Variants in UBE4A observed in about 807,000 individuals in gnomAD.
The protein encoded by UBE4A is ubiquitination factor E4A.
A neutral mutation model predicts 117.9 loss-of-function variants in UBE4A; 48 were observed. That is an observed-to-expected ratio of 0.41 (90% CI 0.32 to 0.52). UBE4A has a LOEUF of 0.52. UBE4A is among the 20% of genes least tolerant of loss of function. UBE4A has a pLI of 0.33. For synonymous variants in UBE4A, 407 were observed against 450.0 expected (o/e 0.90, Z 1.21); for missense variants, 1,067 against 1,296.3 (o/e 0.82, Z 2.72).
rs2134094175 is a variant in UBE4A, at chr11:118,375,141, C to G, written c.1362C>G (p.Ser454=). 1 of 1,614,172 alleles carries G rather than the reference C, an allele frequency of 6.2e-7. No homozygotes were observed. The highest frequency in any genetic ancestry group is 1.1e-5 in the South Asian group (1 of 91,082). The change falls in exon 9 of 20, where the codon TCC becomes TCG. Residue 454 remains serine, a synonymous_variant. Coordinates refer to ENST00000252108, the MANE Select transcript of UBE4A (RefSeq NM_001204077.2). The part of the protein sequence containing the change: ...KLCQPFCKPR[S]SRLLTFNPTY... ...GCCAGCCATTTTGCAAACCCAGATC[C>G]TCTCGGCTCCTCACCTTTAATCCCA... is the stretch of plus-strand genomic sequence containing the variant.
rs201069795 is a variant in UBE4A, at chr11:118,369,436, G to T, written c.309G>T (p.Leu103Phe). 3 of 1,613,956 alleles carry T rather than the reference G, an allele frequency of 1.9e-6. No individual in the cohort carries two copies. Among genetic ancestry groups the T allele is most frequent in the Non-Finnish European group, 2.5e-6 (3 of 1,179,846 alleles). Residue 103 changes from leucine to phenylalanine, a missense_variant, in exon 4 of 20, where the codon TTG becomes TTT. Leu to Phe is a conservative substitution (Grantham distance 22). Transcript: ENST00000252108. Reference sequence around the variant, plus strand: ...ACCATTTCCCAGGTGATCCCAGCTTGAAAAGCGGGAATGGCATCCCTAGCC... The same window carrying T: ...ACCATTTCCCAGGTGATCCCAGCTTTAAAAGCGGGAATGGCATCCCTAGCC... ...LITLDNSDPS[L>F]KSGNGIPSRC...
chr11:118,368,764 T>G lies in UBE4A; in HGVS notation c.255T>G (p.Asn85Lys). ...AAATATGTGAGCAACTCAACATCAA[T>G]CACATGATCCAAAGGATCTTCCTTA... ...QQEICEQLNI[N>K]HMIQRIFLIT... Residue 85 changes from asparagine (N) to lysine (K), a missense_variant, in exon 3 of 20, where the codon AAT becomes AAG. Around this residue, in one of 3 missense-constraint regions of UBE4A, gnomAD observed 1,001 missense variants for 1,184.0 expected, o/e 0.85. Transcript: ENST00000252108. 1.2e-6 allele frequency: 2 copies of G among 1,614,176 alleles called. No individual in the cohort carries two copies. Among genetic ancestry groups the G allele is most frequent in the Non-Finnish European group, 1.7e-6 (2 of 1,180,030 alleles).
rs1555129708 is a variant in UBE4A, at chr11:118,396,340, G to A, written c.3101G>A (p.Ser1034Asn). 1 of 1,613,432 alleles carries A rather than the reference G, an allele frequency of 6.2e-7. No individual in the cohort carries two copies. Among genetic ancestry groups the A allele is most frequent in the Non-Finnish European group, 8.5e-7 (1 of 1,179,756 alleles). The change falls in exon 20 of 20, where the codon AGT becomes AAT. Residue 1034 changes from serine to asparagine, a missense_variant. Ser to Asn is a conservative substitution (Grantham distance 46, BLOSUM62 1). Coordinates refer to ENST00000252108, the MANE Select transcript of UBE4A (RefSeq NM_001204077.2). Reference sequence around the variant, plus strand: ...GACCAAACAGATCCCTTTAACCGTAGTCCCCTCACCATGGACCAGATCCGG... The same window carrying A: ...GACCAAACAGATCCCTTTAACCGTAATCCCCTCACCATGGACCAGATCCGG... ...LSDQTDPFNR[S>N]PLTMDQIRPN...
chr11:118,360,765 AC>A (rs1343355365), intron 1 of UBE4A, among the ~76,000 whole-genome samples: 1 of 152,170 alleles, frequency 6.6e-6, no homozygotes, highest in East Asian at 1.9e-4. Flanking sequence ...GGAGGAAGTG[AC>A]AGAATTTTGT....
chr11:118,384,993 A>G, intron 15 of UBE4A, 48 bp downstream of exon 15: 4 of 1,473,926 alleles, frequency 2.7e-6, no homozygotes, highest in Non-Finnish European at 3.7e-6. Flanking sequence ...ATACCATCAA[A>G]TCATCAGCAG....
chr11:118,373,663 T>C lies in UBE4A; in HGVS notation c.1094T>C (p.Val365Ala), dbSNP rs1948627777. Residue 365 changes from valine to alanine, a missense_variant, in exon 8 of 20, where the codon GTA becomes GCA. By Grantham distance (64) the Val-to-Ala change is moderately conservative. Around this residue, in one of 3 missense-constraint regions of UBE4A, gnomAD observed 1,001 missense variants for 1,184.0 expected, o/e 0.85. Coordinates refer to ENST00000252108, the MANE Select transcript of UBE4A (RefSeq NM_001204077.2). ...PSRSSPQEIK[V>A]QEANIHQFMA... ...CGTTCCAGCCCCCAGGAGATCAAAG[T>C]ACAGGAGGCCAACATCCATCAGGTG... The C allele has an allele frequency of 6.2e-7, 1 of 1,613,978 alleles. No individual in the cohort carries two copies.
rs782373590 is a variant in UBE4A at position 118,379,546 on chromosome 11, C to T, written c.1672C>T (p.Arg558Cys). 5 of 1,614,200 alleles carry T rather than the reference C, an allele frequency of 3.1e-6. No individual in the cohort carries two copies. The highest frequency in any genetic ancestry group is 4.2e-6 in the Non-Finnish European group (5 of 1,180,030). Reference protein sequence around the residue: ...QSSSPAADNLREQFERLMTIY... With the variant: ...QSSSPAADNLCEQFERLMTIY... Reference sequence around the variant, plus strand: ...TTCTAGCCCTGCTGCTGACAATCTTCGTGAGCAGTTTGAACGACTGATGAC... The same window carrying T: ...TTCTAGCCCTGCTGCTGACAATCTTTGTGAGCAGTTTGAACGACTGATGAC... Residue 558 changes from arginine (R) to cysteine (C), a missense_variant, in exon 11 of 20, where the codon CGT becomes TGT. Physicochemically the swap from Arg to Cys is radical, Grantham distance 180. This residue lies in a region of UBE4A where 1,001 missense variants were observed against 1,184.0 expected (regional missense o/e 0.85). Transcript: ENST00000252108.
Position 118,396,309 on chromosome 11 carries a change from C to T in UBE4A, c.3075-5C>T, listed in dbSNP as rs1256416346. The stretch of plus-strand genomic sequence containing the variant: ...ACCCTATTTCCCTTTCTCTCTTTGT[C>T]CCAGTGACCAAACAGATCCCTTTAA... On this transcript the variant is annotated splice_region_variant and splice_polypyrimidine_tract_variant and intron_variant, in intron 19 of 19. Transcript: ENST00000252108. The T allele has an allele frequency of 6.2e-7, 1 of 1,610,284 alleles. No homozygotes were observed. Among genetic ancestry groups the T allele is most frequent in the Non-Finnish European group, 8.5e-7 (1 of 1,178,692 alleles).
At chr11:118,384,447 T>G (rs1948735950) in intron 13 of UBE4A, among the ~76,000 whole-genome samples, 188 bp from the exon 14 acceptor site, 1 of 152,186 alleles carries the variant, frequency 6.6e-6, no homozygotes, top group Non-Finnish European at 1.5e-5. Flanking sequence ...CCCCCTTACT[T>G]CATCAGTAAG....
Position 118,396,649 on chromosome 11 carries a change from A to G in UBE4A, c.*209A>G, listed in dbSNP as rs1206106853. ...ACAATGCTCCCCTGGCTTGCAGGAA[A>G]TTATACTTATTATAGCATCACCAAG... On this transcript the variant is annotated 3_prime_UTR_variant, in exon 20 of 20. Transcript: ENST00000252108. The G allele has an allele frequency of 2.4e-6, 1 of 423,908 alleles. No homozygotes were observed. The highest frequency in any genetic ancestry group is 3.9e-6 in the Non-Finnish European group (1 of 254,484). 26.3% of individuals were successfully genotyped at this position (423,908 alleles called of 1,614,324 possible). A position where few individuals can be genotyped will look rare whatever the true frequency, so the allele number is the denominator to read the frequency against.
chr11:118,391,812 A>G (rs188494418), intron 18 of UBE4A, among the ~76,000 whole-genome samples: 5 of 151,990 alleles, frequency 3.3e-5, no homozygotes, highest in Admixed American at 3.3e-4. Context: ...AAAAAAAAAA[A>G]ATTTAAGAAA....
chr11:118,376,900 A>C (rs1372530169), intron 10 of UBE4A, among the ~76,000 whole-genome samples: 2 of 152,092 alleles, frequency 1.3e-5, no homozygotes, highest in African/African-American at 4.8e-5. Context: ...CCAAAAAAAA[A>C]AAATTAGCCA....
chr11:118,373,714 C>A, intron 8 of UBE4A, 29 bp downstream of exon 8: 1 of 1,591,150 alleles, frequency 6.3e-7, no homozygotes, highest in Non-Finnish European at 8.5e-7. Context: ...GTATCCCAGC[C>A]CCCTGATCTT....
chr11:118,393,388 G>A (rs535043731), intron 19 of UBE4A, among the ~76,000 whole-genome samples: 3 of 152,160 alleles, frequency 2.0e-5, no homozygotes, highest in African/African-American at 7.2e-5. Context: ...CTGCACTCCA[G>A]CCTGGGCTCA....
chr11:118,380,019 A>G (rs1049615557), intron 11 of UBE4A, among the ~76,000 whole-genome samples: 1 of 152,116 alleles, frequency 6.6e-6, no homozygotes, highest in Non-Finnish European at 1.5e-5. Flanking sequence ...GTTAGTTTCT[A>G]TCATTAATAT....
intron 8 of UBE4A, among the ~76,000 whole-genome samples, chr11:118,374,667 AC>A (rs1369784221): frequency 6.6e-6 from 1 of 152,200 alleles, no homozygotes; most frequent in African/African-American, 2.4e-5. Flanking sequence ...AAATTTACAG[AC>A]CTGTGCTCTA....
At chr11:118,386,399 C>T in intron 15 of UBE4A, 39 bp from the exon 16 acceptor site, 1 of 1,566,670 alleles carries the variant, frequency 6.4e-7, no homozygotes, top group Non-Finnish European at 8.6e-7. Context: ...TTCAACTGCA[C>T]CTTTCTTCTC....
At chr11:118,388,092 T>C (rs1405916414) in intron 16 of UBE4A, among the ~76,000 whole-genome samples, 3 of 152,166 alleles carry the variant, frequency 2.0e-5, no homozygotes, top group African/African-American at 7.2e-5. Context: ...AAAAAGGAAC[T>C]ATATACTCAT....
Position 118,382,684 on chromosome 11 carries a change from T to C in UBE4A, c.2105T>C (p.Val702Ala). 1.9e-6 allele frequency: 3 copies of C among 1,606,406 alleles called. No homozygotes were observed. The highest frequency in any genetic ancestry group is 1.1e-5 in the South Asian group (1 of 89,392). ...ACCCCAAATCCCTTGGTATCCAGTG[T>C]GTTCCACCGGAAACGTGTGTTCTGC... ...DQTPNPLVSS[V>A]FHRKRVFCNF... is the part of the protein sequence containing the mutation. The change falls in exon 13 of 20, where the codon GTG (valine) becomes GCG (alanine). Residue 702 changes from valine to alanine, a missense_variant. Physicochemically the swap from Val to Ala is moderately conservative, Grantham distance 64 (BLOSUM62 0). Transcript: ENST00000252108.
Sources: allele counts gnomAD v4.1 joint callset (sites outside exome capture counted in the v4.1 genomes callset), GRCh38; gene constraint gnomAD v4.1.1; regional missense constraint gnomAD v4.1.1; transcripts MANE v1.5; gene names NCBI Gene and HGNC (gene_info 2026-07-23, HGNC 2026-07-21).